The following ZDHHC17 variants were observed in gnomAD, a reference collection of about 807,000 sequenced individuals.
The protein encoded by ZDHHC17 is palmitoyltransferase ZDHHC17.
In ZDHHC17, 40 loss-of-function variants were observed where a neutral mutation model predicts 90.3. That is an observed-to-expected ratio of 0.44 (90% CI 0.34 to 0.58). ZDHHC17 has a LOEUF of 0.58. Ranked by LOEUF, ZDHHC17 falls within the 20% of genes least tolerant of loss-of-function variation. ZDHHC17 has a pLI of 0.01. For missense variants in ZDHHC17, 614 were observed against 780.8 expected (o/e 0.79, Z 2.55); for synonymous variants, 235 against 252.4 (o/e 0.93, Z 0.65).
At chr12:76,764,717 T>A in intron 1 of ZDHHC17, 1 of 477,834 alleles carries the variant, frequency 2.1e-6, no homozygotes, top group Non-Finnish European at 4.1e-6. Flanking sequence ...TGGTTTTGAT[T>A]TCTTTTTCCT....
At chr12:76,811,850 GT>G (rs1450830457) in intron 5 of ZDHHC17, among the ~76,000 whole-genome samples, 6 of 152,046 alleles carry the variant, frequency 3.9e-5, no homozygotes, top group African/African-American at 1.4e-4. Context: ...AATCCAAAAC[GT>G]TTTGAGTGTC....
intron 10 of ZDHHC17, among the ~76,000 whole-genome samples, chr12:76,839,384 T>C (rs1392964249): frequency 3.3e-5 from 5 of 152,242 alleles, no homozygotes; most frequent in Admixed American, 6.5e-5. Flanking sequence ...AACTTTATGA[T>C]ACATGTGGTC....
intron 5 of ZDHHC17, among the ~76,000 whole-genome samples, chr12:76,811,990 T>C (rs940130634): frequency 1.3e-5 from 2 of 152,168 alleles, no homozygotes; most frequent in Non-Finnish European, 2.9e-5. Context: ...TCAGGCTGTA[T>C]GTATAAGGTG....
intron 1 of ZDHHC17, among the ~76,000 whole-genome samples, chr12:76,776,414 A>G (rs1952561018): frequency 6.6e-6 from 1 of 152,172 alleles, no homozygotes; most frequent in Non-Finnish European, 1.5e-5. Flanking sequence ...ACAGGTAAAT[A>G]CTACTTTAAA....
chr12:76,765,494 A>G (rs140266301), intron 1 of ZDHHC17, among the ~76,000 whole-genome samples: 100 of 152,358 alleles, frequency 6.6e-4, no homozygotes, highest in Middle Eastern at 3.4e-3. Flanking sequence ...AGAACTATAC[A>G]GTAAGACTAA....
At chr12:76,830,513 A>G (rs890964248) in intron 10 of ZDHHC17, among the ~76,000 whole-genome samples, 16 of 152,164 alleles carry the variant, frequency 1.1e-4, no homozygotes, top group African/African-American at 3.6e-4. Flanking sequence ...CTAGCCTTTT[A>G]TTATACTTTG....
At chr12:76,805,475 G>C in intron 3 of ZDHHC17, 36 bp downstream of exon 3, 1 of 553,044 alleles carries the variant, frequency 1.8e-6, no homozygotes, top group Non-Finnish European at 2.4e-6. Flanking sequence ...ATTAGAACTT[G>C]ACTTTTTATG....
At chr12:76,818,786 A>G (rs1216915547) in intron 7 of ZDHHC17, among the ~76,000 whole-genome samples, 2 of 152,216 alleles carry the variant, frequency 1.3e-5, no homozygotes, top group Non-Finnish European at 2.9e-5. Context: ...GCAATGCGAT[A>G]ATAAAGAGCT....
chr12:76,788,927 C>T (rs1952727624), intron 1 of ZDHHC17, among the ~76,000 whole-genome samples: 2 of 151,836 alleles, frequency 1.3e-5, no homozygotes, highest in South Asian at 4.2e-4. Context: ...AAGCTCCCGA[C>T]CTCAGGTGAT....
intron 2 of ZDHHC17, among the ~76,000 whole-genome samples, chr12:76,800,948 C>A (rs147538369): frequency 7.2e-6 from 1 of 138,312 alleles, no homozygotes; most frequent in East Asian, 2.3e-4. Context: ...AGTGCCATGG[C>A]GCAATCTCAG....
intron 1 of ZDHHC17, among the ~76,000 whole-genome samples, chr12:76,765,965 G>C (rs1289514074): frequency 6.6e-6 from 1 of 152,192 alleles, no homozygotes; most frequent in Non-Finnish European, 1.5e-5. Flanking sequence ...GCTACTTAAA[G>C]TGCTGGGATT....
chr12:76,812,630 TTAGA>T (rs1210073520), intron 5 of ZDHHC17, among the ~76,000 whole-genome samples: 3 of 152,152 alleles, frequency 2.0e-5, no homozygotes, highest in African/African-American at 7.2e-5. Context: ...TTTTTCAGCT[TTAGA>T]TAGTTTTCTT....
chr12:76,784,305 G>T (rs191224092), intron 1 of ZDHHC17, among the ~76,000 whole-genome samples: 311 of 152,218 alleles, frequency 2.0e-3, no homozygotes, highest in African/African-American at 7.1e-3. Flanking sequence ...TTTGAAAAGA[G>T]CCCCTATCAG....
At position 76,811,194 on chromosome 12, in the gene ZDHHC17, T is replaced by G. The variant is rs1408421296; in HGVS notation, c.543+1337T>G. ...CCGGAGGGAAGGGACCACACAAGGG[T>G]GTGAATACCAAGAGGCCAGGTTTAT... On this transcript the variant is annotated intron_variant, in intron 5 of 16. Coordinates refer to ENST00000426126, the MANE Select transcript of ZDHHC17 (RefSeq NM_015336.4). 2.6e-5 allele frequency among the ~76,000 whole-genome samples: 4 copies of G among 152,292 alleles called. No homozygotes were observed. The East Asian group carries it at 7.7e-4, about 29-fold the overall frequency.
intron 5 of ZDHHC17, among the ~76,000 whole-genome samples, chr12:76,811,703 G>C (rs573149582): frequency 1.4e-4 from 20 of 146,712 alleles, no homozygotes; most frequent in South Asian, 4.4e-4. Context: ...ATATGACTTA[G>C]AAAATGAAAT....
At chr12:76,767,527 ATTTG>A (rs1465279502) in intron 1 of ZDHHC17, among the ~76,000 whole-genome samples, 2 of 152,176 alleles carry the variant, frequency 1.3e-5, no homozygotes, top group East Asian at 1.9e-4. Context: ...TCATTTAAAC[ATTTG>A]TTTGTCATGT....
intron 1 of ZDHHC17, among the ~76,000 whole-genome samples, chr12:76,792,342 T>C (rs1316618073): frequency 6.6e-6 from 1 of 152,192 alleles, no homozygotes; most frequent in Non-Finnish European, 1.5e-5. Flanking sequence ...GTCTAGCATT[T>C]TAAAAAGTTA....
rs748218976 is a variant in ZDHHC17 at position 76,822,507 on chromosome 12, C to G, written c.873C>G (p.Phe291Leu). The G allele has an allele frequency of 1.5e-5, 24 of 1,605,518 alleles. No individual in the cohort carries two copies. The highest frequency in any genetic ancestry group is 2.0e-5 in the Non-Finnish European group (24 of 1,175,668). The change falls in exon 8 of 17, where the codon TTC becomes TTG. Residue 291 changes from phenylalanine (F) to leucine (L), a missense_variant. Physicochemically the swap from Phe to Leu is conservative, Grantham distance 22. Coordinates refer to ENST00000426126, the MANE Select transcript of ZDHHC17 (RefSeq NM_015336.4). ...RQAKGYDNPS[F>L]LRKLKADKEF... ...CAAAAGGATATGACAATCCGTCCTT[C>G]CTTAGAAAGCTGAAAGCTGATAAGG...
chr12:76,824,965 G>A (rs1953212731), intron 8 of ZDHHC17, among the ~76,000 whole-genome samples: 1 of 151,990 alleles, frequency 6.6e-6, no homozygotes, highest in African/African-American at 2.4e-5. Context: ...AGAATATTAA[G>A]TAAAAGGATT....
Sources: gnomAD v4.1 joint callset for allele counts (sites outside exome capture counted in the v4.1 genomes callset) on GRCh38, gnomAD v4.1.1 for gene constraint, MANE v1.5 for transcripts, NCBI Gene and HGNC (gene_info 2026-07-23, HGNC 2026-07-21) for gene names.